The following AK7 variants were observed in gnomAD, a reference collection of about 807,000 sequenced individuals.
The protein encoded by AK7 is ATP-AMP transphosphorylase 7.
AK7 carries 78 observed loss-of-function variants against 96.6 expected under a neutral mutation model. The observed-to-expected ratio is 0.81, with a 90% CI of 0.67 to 0.97. AK7 has a LOEUF of 0.97. AK7 is among the 50% of genes least tolerant of loss of function. The probability of loss-of-function intolerance (pLI) is 0.00; values close to 1 mark genes in which losing one functional copy is unlikely to be tolerated. For missense variants in AK7, 855 were observed against 887.9 expected, an observed-to-expected ratio of 0.96 and a Z score of 0.47; for synonymous variants, 302 against 317.2, an observed-to-expected ratio of 0.95 and a Z score of 0.51.
intron 16 of AK7, among the ~76,000 whole-genome samples, chr14:96,483,691 G>T (rs4905497): frequency 0.032 from 4,878 of 152,288 alleles, 129 homozygotes; most frequent in Non-Finnish European, 0.051. Flanking sequence ...CTCCCAAAGT[G>T]CTGGGATTAT....
chr14:96,430,405 T>C (rs1892285026), intron 5 of AK7, among the ~76,000 whole-genome samples: 1 of 152,060 alleles, frequency 6.6e-6, no homozygotes, highest in Non-Finnish European at 1.5e-5. Context: ...CAGGATGGTC[T>C]CAATAATCTC....
chr14:96,479,208 C>G lies in AK7; in HGVS notation c.1753+546C>G, dbSNP rs565828470. Among the ~76,000 whole-genome samples, 10 of 152,114 alleles carry G rather than the reference C, an allele frequency of 6.6e-5. No homozygotes were observed. In the South Asian group the frequency reaches 2.1e-3, roughly 32 times the overall value. On this transcript the variant is annotated intron_variant, in intron 15 of 17. Coordinates refer to ENST00000267584, the MANE Select transcript of AK7 (RefSeq NM_152327.5). Reference sequence around the variant, plus strand: ...TCTCCTGCCTCAGCCTCCCGAGTAGCTGGGACTACAGGTGCACACCACAGT... The same window carrying G: ...TCTCCTGCCTCAGCCTCCCGAGTAGGTGGGACTACAGGTGCACACCACAGT...
At chr14:96,432,769 G>A (rs1255075767) in intron 5 of AK7, among the ~76,000 whole-genome samples, 3 of 151,272 alleles carry the variant, frequency 2.0e-5, no homozygotes, top group South Asian at 2.1e-4. Flanking sequence ...CAGATCACAA[G>A]GTCAGGAGAA....
chr14:96,399,558 C>A lies in AK7; in HGVS notation c.294+1295C>A, dbSNP rs868344459. 2.0e-5 allele frequency among the ~76,000 whole-genome samples: 3 copies of A among 152,352 alleles called. No homozygotes were observed. Among genetic ancestry groups the A allele is most frequent in the African/African-American group, 7.2e-5 (3 of 41,582 alleles). On this transcript the variant is annotated intron_variant, in intron 2 of 17. Coordinates refer to ENST00000267584, the MANE Select transcript of AK7 (RefSeq NM_152327.5). This position sits in a 1 kb window ranked among gnomAD's most constrained non-coding sequence, Gnocchi z 4.1. ...CGCATTTGCAGGTCTCACCCCTTCA[C>A]CCCCGCCATTCACTGGTCTATCCAA...
In AK7 at chr14:96,426,968, G is replaced by A. The variant is rs141636502; in HGVS notation, c.609+6036G>A. 2.3e-3 allele frequency among the ~76,000 whole-genome samples: 357 copies of A among 152,290 alleles called. 9 individuals carry two copies. In the South Asian group the frequency reaches 0.05, roughly 21 times the overall value. On this transcript the variant is annotated intron_variant, in intron 5 of 17. Transcript: ENST00000267584. ...TTTATAAAGAAAAGAGGTTTAGGCC[G>A]GGTGTGGTGGCTCACGCCTGTAATC... is the stretch of plus-strand genomic sequence containing the variant.
intron 12 of AK7, among the ~76,000 whole-genome samples, chr14:96,462,407 T>C (rs1894303837): frequency 6.6e-6 from 1 of 152,214 alleles, no homozygotes; most frequent in Non-Finnish European, 1.5e-5. Flanking sequence ...CCCTTGGCAC[T>C]GAGGTTACCT....
chr14:96,486,798 C>T lies in AK7; in HGVS notation c.1975-100C>T, dbSNP rs1027906888. On this transcript the variant is annotated intron_variant, in intron 16 of 17. Coordinates refer to ENST00000267584, the MANE Select transcript of AK7 (RefSeq NM_152327.5). ...ATGCCATCTGTATCATAGATGGTGA[C>T]CATTTCTAGCAGTGTCTCAATGCAC... The T allele has an allele frequency of 2.9e-5, 31 of 1,055,178 alleles. No individual in the cohort carries two copies. In the South Asian group the frequency reaches 4.3e-4, roughly 15 times the overall value. The allele number at this position is 1,055,178 out of a possible 1,614,324, so 65.4% of individuals were successfully genotyped here.
At chr14:96,397,577 T>C (rs1890153633) in intron 1 of AK7, among the ~76,000 whole-genome samples, 1 of 152,134 alleles carries the variant, frequency 6.6e-6, no homozygotes, top group African/African-American at 2.4e-5. Context: ...TTTTACCCTT[T>C]GTTTTCACTC....
chr14:96,455,171 A>G (rs1595436504), intron 10 of AK7, among the ~76,000 whole-genome samples: 1 of 151,954 alleles, frequency 6.6e-6, no homozygotes, highest in Admixed American at 6.6e-5. Flanking sequence ...CTGTCTCAAA[A>G]TAGTAACAAT....
At chr14:96,432,077 C>T (rs188522705) in intron 5 of AK7, among the ~76,000 whole-genome samples, 189 of 152,190 alleles carry the variant, frequency 1.2e-3, no homozygotes, top group Non-Finnish European at 2.2e-3. Flanking sequence ...AATTTGACTT[C>T]CTCTTTTCCT....
intron 4 of AK7, among the ~76,000 whole-genome samples, chr14:96,420,046 A>G (rs543757831): frequency 6.6e-6 from 1 of 151,338 alleles, no homozygotes; most frequent in East Asian, 2.0e-4. Context: ...TCATATTTTT[A>G]GTAGAGACGG....
At chr14:96,464,772 G>C (rs1170562469) in intron 12 of AK7, among the ~76,000 whole-genome samples, 1 of 152,034 alleles carries the variant, frequency 6.6e-6, no homozygotes, top group African/African-American at 2.4e-5. Context: ...AAAATATCAG[G>C]ACATTTCTAT....
At chr14:96,439,969 T>G (rs920418913) in intron 6 of AK7, among the ~76,000 whole-genome samples, 2 of 152,134 alleles carry the variant, frequency 1.3e-5, no homozygotes, top group African/African-American at 4.8e-5. Context: ...TTATTTGATT[T>G]ATTTATTATG....
intron 1 of AK7, among the ~76,000 whole-genome samples, chr14:96,397,406 G>A (rs1470854778): frequency 6.6e-6 from 1 of 151,986 alleles, no homozygotes; most frequent in Non-Finnish European, 1.5e-5. Context: ...GCACCGCCAT[G>A]CCCAGCTAAT....
chr14:96,466,884 T>G (rs1894596129), intron 12 of AK7, among the ~76,000 whole-genome samples: 1 of 152,184 alleles, frequency 6.6e-6, no homozygotes, highest in Non-Finnish European at 1.5e-5. Flanking sequence ...CTGGCTTGAT[T>G]TATGGTATTT....
chr14:96,463,401 T>A (rs1452883874), intron 12 of AK7, among the ~76,000 whole-genome samples: 1 of 136,406 alleles, frequency 7.3e-6, no homozygotes, highest in Non-Finnish European at 1.6e-5. Context: ...ACCTGTTTCA[T>A]CCTGTGTTAA....
intron 1 of AK7, among the ~76,000 whole-genome samples, chr14:96,393,842 G>A (rs924300297): frequency 6.6e-6 from 1 of 152,124 alleles, no homozygotes; most frequent in African/African-American, 2.4e-5. Flanking sequence ...GATTTAGGGT[G>A]GGCGTGGTGT....
chr14:96,442,275 T>C (rs771230544), intron 6 of AK7, among the ~76,000 whole-genome samples: 25 of 152,346 alleles, frequency 1.6e-4, no homozygotes, highest in Admixed American at 6.5e-4. Context: ...ATGGTACTTA[T>C]TTCCCCTCAC....
At chr14:96,431,468 C>T (rs1892348697) in intron 5 of AK7, among the ~76,000 whole-genome samples, 1 of 152,130 alleles carries the variant, frequency 6.6e-6, no homozygotes, top group African/African-American at 2.4e-5. Context: ...TGTCTTTGTT[C>T]TCATTGATTT....
Sources: allele counts gnomAD v4.1 joint callset (sites outside exome capture counted in the v4.1 genomes callset), GRCh38; gene constraint gnomAD v4.1.1; non-coding constraint Gnocchi (gnomAD v3.1); transcripts MANE v1.5; gene names NCBI Gene and HGNC (gene_info 2026-07-23, HGNC 2026-07-21).